Variants in TTC17 observed in about 807,000 individuals in gnomAD.
The protein encoded by TTC17 is tetratricopeptide repeat protein 17.
In TTC17, 58 loss-of-function variants were observed where a neutral mutation model predicts 143.8. The observed-to-expected ratio is 0.40, with a 90% confidence interval of 0.33 to 0.50. The LOEUF (loss-of-function observed/expected upper bound fraction) is 0.50, where lower values mean the gene tolerates loss of function less well. Ranked by LOEUF, TTC17 falls within the 20% of genes least tolerant of loss-of-function variation. TTC17 has a pLI of 0.49. For synonymous variants in TTC17, 501 were observed against 497.8 expected (o/e 1.01, Z -0.09); for missense variants, 1,273 against 1,392.5 (o/e 0.91, Z 1.37).
chr11:43,392,002 G>A, intron 5 of TTC17, 50 bp downstream of exon 5: 2 of 1,538,464 alleles, frequency 1.3e-6, no homozygotes, highest in Non-Finnish European at 1.7e-6. Flanking sequence ...AGCGGGCTCT[G>A]TGTAAACAGA....
intron 21 of TTC17, among the ~76,000 whole-genome samples, chr11:43,469,590 G>T (rs947561697): frequency 2.0e-5 from 3 of 152,064 alleles, no homozygotes; most frequent in African/African-American, 7.2e-5. Flanking sequence ...AAAGAAGTTG[G>T]TAACAAAAAA....
At chr11:43,475,931 C>G (rs1369157540) in intron 21 of TTC17, among the ~76,000 whole-genome samples, 1 of 152,124 alleles carries the variant, frequency 6.6e-6, no homozygotes, top group Non-Finnish European at 1.5e-5. Context: ...AAAGGAGATA[C>G]AGATGTGAGA....
intron 5 of TTC17, among the ~76,000 whole-genome samples, chr11:43,392,313 T>C (rs1857421772): frequency 6.6e-6 from 1 of 152,200 alleles, no homozygotes; most frequent in Non-Finnish European, 1.5e-5. Context: ...TACTGTTTTC[T>C]GAGACAGAAA....
In TTC17 at chr11:43,450,247, T is replaced by A; in HGVS notation, c.2946+6T>A. 6.2e-7 allele frequency: 1 copy of A among 1,610,334 alleles called. No individual in the cohort carries two copies. Among genetic ancestry groups the A allele is most frequent in the Non-Finnish European group, 8.5e-7 (1 of 1,178,292 alleles). ...GGGAGAGTCAGTTAACAGAGGTGAG[T>A]GCTCGGCTTTGTTCAGGCTGTTTTT... On this transcript the variant is annotated splice_donor_region_variant and intron_variant, in intron 20 of 23. Transcript: ENST00000039989.
chr11:43,379,377 C>A (rs1303824231), intron 2 of TTC17, 55 bp downstream of exon 2: 2 of 1,475,650 alleles, frequency 1.4e-6, no homozygotes, highest in East Asian at 2.3e-5. Flanking sequence ...TTCACAGGAG[C>A]CATTGTGTTC....
intron 16 of TTC17, among the ~76,000 whole-genome samples, chr11:43,427,676 G>A (rs951212813): frequency 6.6e-6 from 1 of 152,118 alleles, no homozygotes; most frequent in Non-Finnish European, 1.5e-5. Flanking sequence ...TAAGTAATGT[G>A]TAATCAGACA....
At chr11:43,402,031 A>G (rs988288125) in intron 10 of TTC17, among the ~76,000 whole-genome samples, 1 of 149,018 alleles carries the variant, frequency 6.7e-6, no homozygotes, top group Non-Finnish European at 1.5e-5. Context: ...AAATAAATAA[A>G]GAGCGAGAGA....
At chr11:43,359,959 C>T (rs779991900) in intron 1 of TTC17, among the ~76,000 whole-genome samples, 2 of 152,132 alleles carry the variant, frequency 1.3e-5, no homozygotes, top group South Asian at 2.1e-4. Flanking sequence ...GTGTGTGTTC[C>T]GCTACAGAAT....
rs757728935 is a variant in TTC17, at chr11:43,391,893, A to G, written c.604A>G (p.Lys202Glu). ...KEDPIFTYLS[K>E]RLGRSIDDIG... The stretch of plus-strand genomic sequence containing the variant: ...AGACCCAATCTTCACATATTTATCT[A>G]AACGGTTAGGAAGGAGTATAGATGA... The change falls in exon 5 of 24, where the codon AAA becomes GAA. Residue 202 changes from lysine (K) to glutamate (E), a missense_variant. Physicochemically the swap from Lys to Glu is moderately conservative, Grantham distance 56. Around this residue, in one of 3 missense-constraint regions of TTC17, gnomAD observed 325 missense variants for 444.2 expected, o/e 0.73. Coordinates refer to ENST00000039989, the MANE Select transcript of TTC17 (RefSeq NM_018259.6). 15 of 1,613,884 alleles carry G rather than the reference A, an allele frequency of 9.3e-6. No individual in the cohort carries two copies. In the South Asian group the frequency reaches 1.6e-4, roughly 18 times the overall value.
At chr11:43,451,129 C>G in intron 20 of TTC17, 53 bp from the exon 21 acceptor site, 1 of 1,548,930 alleles carries the variant, frequency 6.5e-7, no homozygotes, top group South Asian at 1.1e-5. Flanking sequence ...GCAGTATCAT[C>G]TAGATCCTGC....
chr11:43,361,396 C>G (rs1341401364), intron 1 of TTC17, among the ~76,000 whole-genome samples: 1 of 152,160 alleles, frequency 6.6e-6, no homozygotes, highest in African/African-American at 2.4e-5. Flanking sequence ...CATTGTAAGT[C>G]GAAAATACTG....
intron 16 of TTC17, 61 bp downstream of exon 16, chr11:43,414,837 A>G (rs2134624350): frequency 1.3e-6 from 2 of 1,522,690 alleles, no homozygotes; most frequent in Admixed American, 2.1e-5. Flanking sequence ...CTTCTGATCA[A>G]AAGAACACAG....
intron 9 of TTC17, 43 bp downstream of exon 9, chr11:43,400,091 C>A: frequency 6.3e-7 from 1 of 1,581,902 alleles, no homozygotes; most frequent in South Asian, 1.2e-5. Context: ...TTAGGAAATT[C>A]ACTTTTAGCA....
In TTC17 at chr11:43,494,024, A is replaced by G; in HGVS notation, c.*120A>G. ...GTGTGTGAAAATAACTAAGACTTAT[A>G]ACAGGACTTTTACATATGTGGGAAT... On this transcript the variant is annotated 3_prime_UTR_variant, in exon 24 of 24. Coordinates refer to ENST00000039989, the MANE Select transcript of TTC17 (RefSeq NM_018259.6). 7.4e-7 allele frequency: 1 copy of G among 1,345,700 alleles called. No individual in the cohort carries two copies. The highest frequency in any genetic ancestry group is 2.5e-5 in the East Asian group (1 of 40,564). The allele number at this position is 1,345,700 out of a possible 1,614,324, so 83.4% of individuals were successfully genotyped here. A position where few individuals can be genotyped will look rare whatever the true frequency, so the allele number is the denominator to read the frequency against.
chr11:43,367,348 G>A (rs1205657971), intron 1 of TTC17, among the ~76,000 whole-genome samples: 1 of 152,172 alleles, frequency 6.6e-6, no homozygotes, highest in African/African-American at 2.4e-5. Context: ...ATATCTAAAA[G>A]GTCAACTTTA....
At chr11:43,395,186 C>T (rs537386947) in intron 5 of TTC17, among the ~76,000 whole-genome samples, 24 of 151,154 alleles carry the variant, frequency 1.6e-4, no homozygotes, top group African/African-American at 3.9e-4. Context: ...CTGCAAGCTC[C>T]GTCTCCTGGG....
At chr11:43,493,384 G>C (rs1015357053) in intron 23 of TTC17, among the ~76,000 whole-genome samples, 1 of 152,170 alleles carries the variant, frequency 6.6e-6, no homozygotes, top group African/African-American at 2.4e-5. Context: ...CGGTTCTGGA[G>C]GTTTCTGTGA....
chr11:43,444,018 C>T, intron 17 of TTC17, 38 bp from the exon 18 acceptor site: 5 of 1,559,380 alleles, frequency 3.2e-6, no homozygotes, highest in Non-Finnish European at 4.3e-6. Context: ...GATTTGATCA[C>T]TGGTCTCATT....
At chr11:43,484,129 G>A (rs1210941457) in intron 21 of TTC17, among the ~76,000 whole-genome samples, 3 of 152,108 alleles carry the variant, frequency 2.0e-5, no homozygotes, top group Admixed American at 1.3e-4. Context: ...GCGAGAGAGC[G>A]AGACTCCATC....
Sources: gnomAD v4.1 joint callset for allele counts (sites outside exome capture counted in the v4.1 genomes callset) on GRCh38, gnomAD v4.1.1 for gene constraint, gnomAD v4.1.1 regional missense constraint, MANE v1.5 for transcripts, NCBI Gene and HGNC (gene_info 2026-07-23, HGNC 2026-07-21) for gene names.